Variants in DMXL1 observed in about 807,000 individuals in gnomAD.
DMXL1 encodes the protein dmX-like protein 1.
In DMXL1, 99 loss-of-function variants were observed where a neutral mutation model predicts 319.2. The observed-to-expected ratio is 0.31, with a 90% CI of 0.26 to 0.37. DMXL1 has a LOEUF of 0.37. DMXL1 is among the 10% of genes least tolerant of loss of function. DMXL1 has a pLI of 1.00. For missense variants in DMXL1, 3,745 were observed against 3,595.6 expected, an observed-to-expected ratio of 1.04 and a Z score of -1.06; for synonymous variants, 1,385 against 1,235.2, an observed-to-expected ratio of 1.12 and a Z score of -2.54.
At chr5:119,168,504 C>G (rs1773886109) in intron 23 of DMXL1, among the ~76,000 whole-genome samples, 1 of 152,120 alleles carries the variant, frequency 6.6e-6, no homozygotes, top group Admixed American at 6.5e-5. Context: ...ATTTGGAATA[C>G]TAATTGGAAA....
At chr5:119,243,021 T>G (rs1789113563) in intron 42 of DMXL1, among the ~76,000 whole-genome samples, 1 of 152,150 alleles carries the variant, frequency 6.6e-6, no homozygotes, top group South Asian at 2.1e-4. Context: ...TGGATAGAAG[T>G]CAGAATAGTG....
intron 19 of DMXL1, among the ~76,000 whole-genome samples, chr5:119,155,890 G>A (rs906270789): frequency 1.3e-5 from 2 of 150,946 alleles, no homozygotes; most frequent in Admixed American, 6.6e-5. Context: ...GATGAGCAAT[G>A]AATGTGGTTT....
intron 13 of DMXL1, among the ~76,000 whole-genome samples, chr5:119,136,886 A>G (rs1373811049): frequency 2.0e-5 from 3 of 152,264 alleles, no homozygotes; most frequent in African/African-American, 7.2e-5. Context: ...GAAAACTTCT[A>G]CTAGGGCAAT....
chr5:119,092,254 T>C (rs936474558), intron 1 of DMXL1, among the ~76,000 whole-genome samples: 1 of 152,174 alleles, frequency 6.6e-6, no homozygotes, highest in Non-Finnish European at 1.5e-5. Flanking sequence ...TATATTTGTT[T>C]TGGGTTTTCT....
chr5:119,142,748 G>A (rs757324755), intron 13 of DMXL1, among the ~76,000 whole-genome samples: 6 of 152,048 alleles, frequency 3.9e-5, no homozygotes, highest in Non-Finnish European at 8.8e-5. Context: ...AATGTTCATT[G>A]CAGCATTATT....
chr5:119,219,553 TTTAATTAA>T (rs201458069), intron 35 of DMXL1, among the ~76,000 whole-genome samples: 1 of 151,610 alleles, frequency 6.6e-6, no homozygotes, highest in African/African-American at 2.4e-5. Flanking sequence ...AAGATACACA[TTTAATTAA>T]TTAATTAATT....
Position 119,221,039 on chromosome 5 carries a change from G to T in DMXL1, c.8235G>T (p.Met2745Ile), listed in dbSNP as rs1784563372. The T allele has an allele frequency of 6.2e-6, 10 of 1,613,666 alleles. No homozygotes were observed. Among genetic ancestry groups the T allele is most frequent in the Middle Eastern group, 1.6e-4 (1 of 6,080 alleles). ...THSNPGTPIN[M>I]PWLGSTQTGR... Reference sequence around the variant, plus strand: ...GCAATCCTGGCACTCCAATCAACATGCCATGGCTTGGTAGTACACAGACTG... The same window carrying T: ...GCAATCCTGGCACTCCAATCAACATTCCATGGCTTGGTAGTACACAGACTG... The change falls in exon 37 of 44, where the codon ATG becomes ATT. Residue 2745 changes from methionine (M) to isoleucine (I), a missense_variant. Coordinates refer to ENST00000539542, the MANE Select transcript of DMXL1 (RefSeq NM_001290321.3).
chr5:119,104,753 T>C (rs1018372620), intron 3 of DMXL1, among the ~76,000 whole-genome samples: 22 of 152,218 alleles, frequency 1.4e-4, no homozygotes, highest in Non-Finnish European at 3.1e-4. Flanking sequence ...ATAAATTATA[T>C]AGTAGTATCA....
intron 3 of DMXL1, chr5:119,104,276 G>C (rs1479593560): frequency 6.6e-6 from 1 of 152,128 alleles, no homozygotes; most frequent in African/African-American, 2.4e-5. Flanking sequence ...AGAGGGTTCT[G>C]GTATGTACTG....
chr5:119,079,895 C>T (rs1751806514), intron 1 of DMXL1, among the ~76,000 whole-genome samples: 1 of 152,184 alleles, frequency 6.6e-6, no homozygotes, highest in Non-Finnish European at 1.5e-5. Flanking sequence ...TTGTCTGTCC[C>T]TTAAATATTG....
intron 19 of DMXL1, among the ~76,000 whole-genome samples, chr5:119,158,429 A>G (rs1262978554): frequency 6.6e-6 from 1 of 152,158 alleles, no homozygotes; most frequent in African/African-American, 2.4e-5. Context: ...GCAAACAGTG[A>G]CATTTTCACT....
intron 24 of DMXL1, among the ~76,000 whole-genome samples, 167 bp from the exon 25 acceptor site, chr5:119,171,611 A>G (rs985999464): frequency 2.6e-5 from 4 of 151,786 alleles, no homozygotes; most frequent in Non-Finnish European, 5.9e-5. Context: ...ATTTTTAAAT[A>G]TGATTATTGA....
chr5:119,140,094 C>A (rs1766970171), intron 13 of DMXL1, among the ~76,000 whole-genome samples: 2 of 152,122 alleles, frequency 1.3e-5, no homozygotes. Flanking sequence ...ATATAACATG[C>A]CAGAATCTCT....
At chr5:119,246,832 C>T (rs1450021000) in intron 43 of DMXL1, among the ~76,000 whole-genome samples, 163 bp from the exon 44 acceptor site, 1 of 151,896 alleles carries the variant, frequency 6.6e-6, no homozygotes, top group Admixed American at 6.6e-5. Context: ...GGGGTTTCTC[C>T]TTGTTGGTCA....
In DMXL1 at chr5:119,237,677, A is replaced by G. The variant is rs17145010; in HGVS notation, c.8559+263A>G. 3.9e-3 allele frequency among the ~76,000 whole-genome samples: 598 copies of G among 152,136 alleles called. 10 individuals carry two copies. The highest frequency in any genetic ancestry group is 0.026 in the South Asian group (124 of 4,822). On this transcript the variant is annotated intron_variant, in intron 40 of 43. Coordinates refer to ENST00000539542, the MANE Select transcript of DMXL1 (RefSeq NM_001290321.3). Reference sequence around the variant, plus strand: ...CAGATACCTATACATCTTGTGGATTACTAGAGCCCTTTTCTAACCTCACTA... The same window carrying G: ...CAGATACCTATACATCTTGTGGATTGCTAGAGCCCTTTTCTAACCTCACTA...
intron 42 of DMXL1, 50 bp downstream of exon 42, chr5:119,240,521 G>T (rs1247993420): frequency 2.4e-6 from 3 of 1,232,572 alleles, no homozygotes; most frequent in South Asian, 2.6e-5. Context: ...AAATTCATAA[G>T]CTAAATATTA....
chr5:119,188,686 G>A (rs1389534916), intron 28 of DMXL1, among the ~76,000 whole-genome samples: 3 of 152,128 alleles, frequency 2.0e-5, no homozygotes, highest in African/African-American at 4.8e-5. Context: ...GAAAGATTAA[G>A]TAATAATCAT....
intron 19 of DMXL1, among the ~76,000 whole-genome samples, chr5:119,160,239 A>G (rs1314408540): frequency 2.0e-5 from 3 of 151,680 alleles, no homozygotes; most frequent in African/African-American, 7.3e-5. Context: ...CTGTTTTTGT[A>G]TTTGTTTGTC....
At chr5:119,124,140 C>G (rs1762942620) in intron 9 of DMXL1, among the ~76,000 whole-genome samples, 1 of 151,294 alleles carries the variant, frequency 6.6e-6, no homozygotes, top group Non-Finnish European at 1.5e-5. Context: ...AAAACCCCGT[C>G]TCTACCAAAA....
Sources: allele counts gnomAD v4.1 joint callset (sites outside exome capture counted in the v4.1 genomes callset), GRCh38; gene constraint gnomAD v4.1.1; transcripts MANE v1.5; gene names NCBI Gene and HGNC (gene_info 2026-07-23, HGNC 2026-07-21).